The following KCNIP4 variants were observed in gnomAD, a reference collection of about 807,000 sequenced individuals.
The protein encoded by KCNIP4 is potassium voltage-gated channel interacting protein 4.
Under a neutral mutation model 34.0 loss-of-function variants are expected in KCNIP4, and 12 were observed. The observed-to-expected ratio is 0.35, with a 90% CI of 0.23 to 0.57. The LOEUF (loss-of-function observed/expected upper bound fraction) is 0.57, where lower values mean the gene tolerates loss of function less well. Among genes scored for constraint, KCNIP4 ranks in the 20% least tolerant of loss-of-function variants. The pLI, the probability that KCNIP4 is intolerant of heterozygous loss-of-function variation, is 0.83. For missense variants in KCNIP4, 238 were observed against 311.7 expected (o/e 0.76, Z 1.78); for synonymous variants, 124 against 102.2 (o/e 1.21, Z -1.29).
chr4:21,586,604 C>T (rs1741636503), intron 1 of KCNIP4, among the ~76,000 whole-genome samples: 1 of 152,004 alleles, frequency 6.6e-6, no homozygotes, highest in African/African-American at 2.4e-5. Flanking sequence ...AAGATCTTCC[C>T]TTTGATACTA....
At chr4:21,714,319 A>G (rs953055927) in intron 1 of KCNIP4, among the ~76,000 whole-genome samples, 5 of 152,038 alleles carry the variant, frequency 3.3e-5, no homozygotes, top group African/African-American at 7.2e-5. Context: ...ATCTCCCCTG[A>G]TATTTCTCGG....
At chr4:21,739,813 A>T (rs1171480986) in intron 1 of KCNIP4, among the ~76,000 whole-genome samples, 2 of 152,120 alleles carry the variant, frequency 1.3e-5, no homozygotes, top group Non-Finnish European at 1.5e-5. Flanking sequence ...TCTCATTAAA[A>T]TATAACTACT....
At chr4:21,625,175 T>C (rs189577836) in intron 1 of KCNIP4, among the ~76,000 whole-genome samples, 2 of 152,192 alleles carry the variant, frequency 1.3e-5, no homozygotes, top group Admixed American at 1.3e-4. Flanking sequence ...GATAAAATAA[T>C]AATATACATT....
At chr4:21,158,483 A>C (rs962448523) in intron 1 of KCNIP4, among the ~76,000 whole-genome samples, 1 of 152,334 alleles carries the variant, frequency 6.6e-6, no homozygotes. Flanking sequence ...TCAGGAATGC[A>C]GTTAGTTTAA....
At chr4:20,902,440 G>A (rs2149553838) in intron 1 of KCNIP4, among the ~76,000 whole-genome samples, 1 of 152,224 alleles carries the variant, frequency 6.6e-6, no homozygotes, top group East Asian at 1.9e-4. Flanking sequence ...CACCATCCTG[G>A]CAGCACCATA....
Position 20,993,797 on chromosome 4 carries a change from G to T in KCNIP4, c.62-111088C>A, listed in dbSNP as rs148098741. On this transcript the variant is annotated intron_variant, in intron 1 of 8. Transcript: ENST00000382152. Reference sequence around the variant, plus strand: ...ACTGACACAAATTTATTATGTTACGGTTCTGGAAGTCAGAAGTTTGAAATG... The same window carrying T: ...ACTGACACAAATTTATTATGTTACGTTTCTGGAAGTCAGAAGTTTGAAATG... Among the ~76,000 whole-genome samples the T allele has an allele frequency of 1.3e-3, 203 of 152,320 alleles. 1 individual carries two copies. In the East Asian group the frequency reaches 0.02, roughly 15 times the overall value.
chr4:21,069,552 G>A (rs529041148), intron 1 of KCNIP4, among the ~76,000 whole-genome samples: 2 of 152,258 alleles, frequency 1.3e-5, no homozygotes, highest in Admixed American at 6.5e-5. Flanking sequence ...AGAGGCCTGT[G>A]AAGGCTGGCC....
intron 1 of KCNIP4, among the ~76,000 whole-genome samples, chr4:21,522,399 CAG>C (rs1735611236): frequency 2.6e-5 from 4 of 152,000 alleles, no homozygotes; most frequent in Admixed American, 6.6e-5. Context: ...CTTCTAGAGA[CAG>C]AGTCTTGCCC....
At chr4:20,757,660 C>G (rs939513437) in intron 4 of KCNIP4, among the ~76,000 whole-genome samples, 2 of 152,138 alleles carry the variant, frequency 1.3e-5, no homozygotes, top group African/African-American at 4.8e-5. Flanking sequence ...AGCGGGAAGA[C>G]ATCATACTCA....
At chr4:21,188,759 C>G (rs1381719435) in intron 1 of KCNIP4, among the ~76,000 whole-genome samples, 1 of 152,136 alleles carries the variant, frequency 6.6e-6, no homozygotes, top group Non-Finnish European at 1.5e-5. Flanking sequence ...TAGCATTAAC[C>G]ATCATGGTAA....
chr4:21,583,893 A>T (rs1741419046), intron 1 of KCNIP4, among the ~76,000 whole-genome samples: 1 of 151,994 alleles, frequency 6.6e-6, no homozygotes, highest in South Asian at 2.1e-4. Context: ...TCATTATAAG[A>T]TTTTTTGTGT....
At chr4:21,471,834 G>T (rs1422820933) in intron 1 of KCNIP4, among the ~76,000 whole-genome samples, 1 of 151,980 alleles carries the variant, frequency 6.6e-6, no homozygotes, top group Non-Finnish European at 1.5e-5. Flanking sequence ...ATCCCTTTGG[G>T]GTCAGAAAAT....
At chr4:21,153,515 G>GTATATA (rs59614946) in intron 1 of KCNIP4, among the ~76,000 whole-genome samples, 1,549 of 140,826 alleles carry the variant, frequency 0.011, 43 homozygotes, top group Admixed American at 0.063. Context: ...ATGTGTGTGT[G>GTATATA]TATATATATA....
At chr4:21,263,018 T>C (rs1761571354) in intron 1 of KCNIP4, among the ~76,000 whole-genome samples, 1 of 152,200 alleles carries the variant, frequency 6.6e-6, no homozygotes, top group African/African-American at 2.4e-5. Context: ...CCCCTGTTCA[T>C]CCAGGCTGAA....
intron 1 of KCNIP4, among the ~76,000 whole-genome samples, chr4:20,911,357 G>A (rs773060076): frequency 1.3e-5 from 2 of 152,034 alleles, no homozygotes; most frequent in Non-Finnish European, 2.9e-5. Context: ...CAGTTTTCAT[G>A]GTTCATTATT....
At chr4:21,283,957 T>C (rs990230721) in intron 1 of KCNIP4, among the ~76,000 whole-genome samples, 1 of 152,104 alleles carries the variant, frequency 6.6e-6, no homozygotes, top group Non-Finnish European at 1.5e-5. Flanking sequence ...CTCACACCTG[T>C]AATCCCAGTA....
At chr4:21,834,313 T>A (rs1479228671) in intron 1 of KCNIP4, among the ~76,000 whole-genome samples, 3 of 152,178 alleles carry the variant, frequency 2.0e-5, no homozygotes, top group African/African-American at 7.2e-5. Flanking sequence ...TTCACATCCC[T>A]TGTAAGTTGG....
chr4:21,626,287 A>G (rs1745315696), intron 1 of KCNIP4, among the ~76,000 whole-genome samples: 1 of 151,976 alleles, frequency 6.6e-6, no homozygotes, highest in Non-Finnish European at 1.5e-5. Context: ...GGAGATGAAG[A>G]CTTTGGGAGG....
At chr4:20,752,337 G>T (rs1195012049) in intron 4 of KCNIP4, among the ~76,000 whole-genome samples, 6 of 152,142 alleles carry the variant, frequency 3.9e-5, no homozygotes, top group Non-Finnish European at 7.3e-5. Context: ...GGGATTACAG[G>T]TGTGAGCCAC....
Sources: gnomAD v4.1 joint callset for allele counts (sites outside exome capture counted in the v4.1 genomes callset) on GRCh38, gnomAD v4.1.1 for gene constraint, MANE v1.5 for transcripts, NCBI Gene and HGNC (gene_info 2026-07-23, HGNC 2026-07-21) for gene names.